Variants in SIPA1L3 observed in about 807,000 individuals in gnomAD.
SIPA1L3 encodes the protein signal-induced proliferation-associated 1-like protein 3.
In SIPA1L3, 59 loss-of-function variants were observed where a neutral mutation model predicts 150.1. The observed-to-expected ratio is 0.39, with a 90% CI of 0.32 to 0.49. SIPA1L3 has a LOEUF of 0.49. SIPA1L3 is among the 20% of genes least tolerant of loss of function. The pLI is 0.86. For synonymous variants in SIPA1L3, 1,070 were observed against 1,077.6 expected, an observed-to-expected ratio of 0.99 and a Z score of 0.14; for missense variants, 2,211 against 2,489.5, an observed-to-expected ratio of 0.89 and a Z score of 2.38.
At chr19:37,927,521 C>CAT (rs1555765667) in intron 1 of SIPA1L3, among the ~76,000 whole-genome samples, 1 of 136,760 alleles carries the variant, frequency 7.3e-6, no homozygotes, top group Admixed American at 7.4e-5. Context: ...GTCTGTTGTT[C>CAT]GTGTGTGTGT....
intron 1 of SIPA1L3, among the ~76,000 whole-genome samples, chr19:38,013,921 G>A (rs1252843384): frequency 6.6e-6 from 1 of 152,246 alleles, no homozygotes; most frequent in Non-Finnish European, 1.5e-5. Flanking sequence ...GGGAAAGCAA[G>A]ATTCAGAGAA....
At chr19:38,159,239 C>T (rs999327807) in intron 13 of SIPA1L3, among the ~76,000 whole-genome samples, 20 of 152,240 alleles carry the variant, frequency 1.3e-4, no homozygotes, top group African/African-American at 4.8e-4. Flanking sequence ...TGCAGTGGCC[C>T]TGAGTGCCCT....
chr19:38,106,195 C>T (rs1970619993), intron 6 of SIPA1L3: 5 of 278,250 alleles, frequency 1.8e-5, no homozygotes, highest in South Asian at 1.7e-4. Flanking sequence ...CAACCTCCGC[C>T]TCCCGGGTTC....
intron 16 of SIPA1L3, 126 bp from the exon 17 acceptor site, chr19:38,192,019 G>A: frequency 1.2e-6 from 1 of 825,438 alleles, no homozygotes; most frequent in Non-Finnish European, 1.9e-6. Context: ...CCACGCGTTT[G>A]CTGGGTGAAG....
Position 38,015,029 on chromosome 19 carries a change from G to A in SIPA1L3, c.-378-14060G>A, listed in dbSNP as rs58879930. 8.9e-3 allele frequency among the ~76,000 whole-genome samples: 1,350 copies of A among 150,972 alleles called. 17 individuals carry two copies. The highest frequency in any genetic ancestry group is 0.032 in the African/African-American group (1,305 of 41,054). On this transcript the variant is annotated intron_variant, in intron 1 of 21. Transcript: ENST00000222345. ...TGATCTGACTGTGTTGCCCAGTCTG[G>A]TCTCAAAACTCCTGGCCTCAAGTGA...
chr19:37,926,387 G>A (rs2046503944), intron 1 of SIPA1L3, among the ~76,000 whole-genome samples: 1 of 152,172 alleles, frequency 6.6e-6, no homozygotes, highest in Non-Finnish European at 1.5e-5. Context: ...CGTCACTTTG[G>A]CTTTCTGCGT....
At chr19:37,989,102 T>C (rs963857526) in intron 1 of SIPA1L3, among the ~76,000 whole-genome samples, 1 of 152,160 alleles carries the variant, frequency 6.6e-6, no homozygotes, top group African/African-American at 2.4e-5. Context: ...GTAGGAGGTG[T>C]TGGCTGTGTG....
intron 21 of SIPA1L3, 134 bp downstream of exon 21, chr19:38,204,342 T>C: frequency 4.6e-6 from 3 of 655,066 alleles, no homozygotes; most frequent in Non-Finnish European, 8.0e-6. Context: ...AGTGTAGTCA[T>C]GGGTGAAGAG....
rs572905252 is a variant in SIPA1L3, at chr19:37,960,589, A to T, written c.-379+53231A>T. 6.0e-5 allele frequency among the ~76,000 whole-genome samples: 9 copies of T among 151,024 alleles called. No individual in the cohort carries two copies. The East Asian group carries it at 1.6e-3, about 26-fold the overall frequency. ...TGGCTAATTTTTTTTTTTTATTTTT[A>T]GTAGAGACGGGGTTTCACCTTGTTA... On this transcript the variant is annotated intron_variant, in intron 1 of 21. Transcript: ENST00000222345.
intron 6 of SIPA1L3, among the ~76,000 whole-genome samples, chr19:38,101,733 A>G (rs56352938): frequency 0.017 from 2,643 of 152,290 alleles, 84 homozygotes; most frequent in African/African-American, 0.06. Context: ...TTTGGAAAAC[A>G]GTACAGCACA....
intron 1 of SIPA1L3, among the ~76,000 whole-genome samples, chr19:38,006,949 A>G (rs1362470518): frequency 1.3e-5 from 2 of 152,230 alleles, no homozygotes; most frequent in African/African-American, 4.8e-5. Flanking sequence ...TTGTCTGTGC[A>G]GCGGAATACC....
intron 1 of SIPA1L3, among the ~76,000 whole-genome samples, chr19:37,928,435 G>A (rs1328211890): frequency 6.6e-6 from 1 of 152,166 alleles, no homozygotes; most frequent in Non-Finnish European, 1.5e-5. Flanking sequence ...GCCGGGTGTG[G>A]TGGCACATAC....
At chr19:38,074,614 T>C (rs998678644) in intron 2 of SIPA1L3, among the ~76,000 whole-genome samples, 1 of 152,268 alleles carries the variant, frequency 6.6e-6, no homozygotes, top group African/African-American at 2.4e-5. Flanking sequence ...CTTGCCATTC[T>C]GTAACTGACA....
chr19:38,026,711 G>A (rs1968518551), intron 1 of SIPA1L3, among the ~76,000 whole-genome samples: 1 of 152,084 alleles, frequency 6.6e-6, no homozygotes, highest in South Asian at 2.1e-4. Context: ...TCTTAATCTC[G>A]GGTCCATGGA....
intron 16 of SIPA1L3, among the ~76,000 whole-genome samples, chr19:38,190,512 G>A (rs942708479): frequency 7.2e-5 from 11 of 152,094 alleles, no homozygotes; most frequent in Non-Finnish European, 1.0e-4. Flanking sequence ...CCTTGCTCTC[G>A]CCCTTCCTTT....
chr19:38,076,605 A>G (rs1469431062), intron 2 of SIPA1L3, among the ~76,000 whole-genome samples: 5 of 152,204 alleles, frequency 3.3e-5, no homozygotes, highest in Admixed American at 3.3e-4. Context: ...TTAGTGCAAT[A>G]CTGTAAGCCC....
At chr19:38,173,235 T>A (rs1027109727) in intron 15 of SIPA1L3, among the ~76,000 whole-genome samples, 1 of 152,134 alleles carries the variant, frequency 6.6e-6, no homozygotes, top group Admixed American at 6.5e-5. Flanking sequence ...GAGGGATGGG[T>A]CCTGACACGC....
chr19:38,094,570 C>G (rs535731150), intron 4 of SIPA1L3, among the ~76,000 whole-genome samples: 1 of 152,216 alleles, frequency 6.6e-6, no homozygotes, highest in East Asian at 1.9e-4. Context: ...TTTAAATGAA[C>G]AATCTCCAAA....
intron 3 of SIPA1L3, among the ~76,000 whole-genome samples, chr19:38,085,204 G>A (rs1299300723): frequency 2.0e-5 from 3 of 152,046 alleles, no homozygotes; most frequent in Admixed American, 6.6e-5. Flanking sequence ...GTTCCAGGCC[G>A]GGCACGGTGG....
Sources: allele counts gnomAD v4.1 joint callset (sites outside exome capture counted in the v4.1 genomes callset), GRCh38; gene constraint gnomAD v4.1.1; transcripts MANE v1.5; gene names NCBI Gene and HGNC (gene_info 2026-07-23, HGNC 2026-07-21).